PIEZO2: variants seen among roughly 807,000 people sequenced by gnomAD.
The protein encoded by PIEZO2 is piezo-type mechanosensitive ion channel component 2.
In PIEZO2, 172 loss-of-function variants were observed where a neutral mutation model predicts 337.3. The observed-to-expected ratio is 0.51, with a 90% confidence interval of 0.45 to 0.58. PIEZO2 has a LOEUF of 0.58. Ranked by LOEUF, PIEZO2 falls within the 20% of genes least tolerant of loss-of-function variation. The pLI is 0.00. For missense variants in PIEZO2, 3,028 were observed against 3,391.3 expected (o/e 0.89, Z 2.66); for synonymous variants, 1,251 against 1,228.5 (o/e 1.02, Z -0.38).
Position 10,942,500 on chromosome 18 carries a change from T to C in PIEZO2, c.287-31272A>G, listed in dbSNP as rs1006029677. ...AGCATTCTGCCCCTGCCCTAGAGAT[T>C]TGTGGAACTTTGAACTTGAGAGAGA... On this transcript the variant is annotated intron_variant, in intron 3 of 55. Transcript: ENST00000674853. This position sits in a 1 kb window ranked among gnomAD's most constrained non-coding sequence, Gnocchi z 4.4. Among the ~76,000 whole-genome samples, 2 of 152,148 alleles carry C rather than the reference T, an allele frequency of 1.3e-5. No homozygotes were observed. Among genetic ancestry groups the C allele is most frequent in the Admixed American group, 1.3e-4 (2 of 15,278 alleles).
chr18:10,907,339 A>G (rs1568186541), intron 4 of PIEZO2, among the ~76,000 whole-genome samples: 1 of 152,036 alleles, frequency 6.6e-6, no homozygotes, highest in Non-Finnish European at 1.5e-5. Context: ...GCTACTTGAT[A>G]GGCTGAGGCA....
intron 7 of PIEZO2, among the ~76,000 whole-genome samples, chr18:10,851,278 T>C (rs1048364883): frequency 1.3e-5 from 2 of 152,058 alleles, no homozygotes; most frequent in Admixed American, 6.6e-5. Context: ...CTAATTTCCA[T>C]GTTTTAAAGG....
rs2036015136 is a variant in PIEZO2 at position 10,716,476 on chromosome 18, A to G, written c.5090-660T>C. On this transcript the variant is annotated intron_variant, in intron 37 of 55. Coordinates refer to ENST00000674853, the MANE Select transcript of PIEZO2 (RefSeq NM_001378183.1). The surrounding 1 kb of genome is among the most constrained non-coding windows in gnomAD (Gnocchi z 4.1). ...ACCCTGGTGACACCCAAACCTCAAA[A>G]CCATGTCACACCTAACAGTCTTCCA... Among the ~76,000 whole-genome samples the G allele has an allele frequency of 6.6e-6, 1 of 152,158 alleles. No homozygotes were observed. Among genetic ancestry groups the G allele is most frequent in the Non-Finnish European group, 1.5e-5 (1 of 68,022 alleles).
intron 8 of PIEZO2, 109 bp downstream of exon 8, chr18:10,807,003 G>A (rs2040021255): frequency 3.6e-6 from 4 of 1,118,834 alleles, no homozygotes; most frequent in East Asian, 2.6e-5. Flanking sequence ...CACTAGAGTT[G>A]TGTTGGAATA....
intron 7 of PIEZO2, among the ~76,000 whole-genome samples, chr18:10,832,836 G>A (rs2040886448): frequency 6.6e-6 from 1 of 152,140 alleles, no homozygotes; most frequent in African/African-American, 2.4e-5. Flanking sequence ...AGTCAGGTGG[G>A]GCCCAGGGAT....
chr18:11,006,641 C>A (rs1177111300), intron 2 of PIEZO2, among the ~76,000 whole-genome samples: 5 of 152,126 alleles, frequency 3.3e-5, no homozygotes, highest in Admixed American at 1.3e-4. Context: ...CTACAAATCC[C>A]TCCTTCCCAT....
In PIEZO2 at chr18:10,781,691, T is replaced by A. The variant is rs1027969884; in HGVS notation, c.2493-1325A>T. 6.6e-6 allele frequency among the ~76,000 whole-genome samples: 1 copy of A among 152,186 alleles called. No individual in the cohort carries two copies. Among genetic ancestry groups the A allele is most frequent in the Non-Finnish European group, 1.5e-5 (1 of 68,044 alleles). On this transcript the variant is annotated intron_variant, in intron 17 of 55. Transcript: ENST00000674853. This position sits in a 1 kb window ranked among gnomAD's most constrained non-coding sequence, Gnocchi z 4.1. ...AGGCTAACTTTGTAAATTCTGTAAG[T>A]CTAAACATAATAAATTCTGCTTCAT...
Position 10,795,095 on chromosome 18 carries a change from G to C in PIEZO2, c.1528-93C>G, listed in dbSNP as rs188146674. 1 of 1,082,072 alleles carries C rather than the reference G, an allele frequency of 9.2e-7. No individual in the cohort carries two copies. Among genetic ancestry groups the C allele is most frequent in the Non-Finnish European group, 1.3e-6 (1 of 750,624 alleles). 67.0% of individuals were successfully genotyped at this position (1,082,072 alleles called of 1,614,324 possible). A position where few individuals can be genotyped will look rare whatever the true frequency, so the allele number is the denominator to read the frequency against. Reference sequence around the variant, plus strand: ...GGTAAAAACTATCTAAAAAGAAAAGGTCATAATATTCAAACCAGGGAGAGT... The same window carrying C: ...GGTAAAAACTATCTAAAAAGAAAAGCTCATAATATTCAAACCAGGGAGAGT... On this transcript the variant is annotated intron_variant, in intron 12 of 55. Coordinates refer to ENST00000674853, the MANE Select transcript of PIEZO2 (RefSeq NM_001378183.1). The surrounding 1 kb of genome is among the most constrained non-coding windows in gnomAD (Gnocchi z 4.4).
At chr18:10,799,991 T>A (rs1194340636) in intron 11 of PIEZO2, among the ~76,000 whole-genome samples, 3 of 135,114 alleles carry the variant, frequency 2.2e-5, no homozygotes, top group Admixed American at 7.5e-5. Flanking sequence ...AAAAAAAAAA[T>A]TCATATATTA....
chr18:10,858,615 G>A (rs116180998), intron 5 of PIEZO2, among the ~76,000 whole-genome samples: 2,840 of 152,164 alleles, frequency 0.019, 93 homozygotes, highest in African/African-American at 0.065. Context: ...ATTCACTGAC[G>A]GTGTCTGACC....
Position 10,855,650 on chromosome 18 carries a change from G to T in PIEZO2, c.704-84C>A. Reference sequence around the variant, plus strand: ...AGTGAATGTGACTATTTGAAATTATGTGAATTTCCTTCAAGTGTTTTTAGG... The same window carrying T: ...AGTGAATGTGACTATTTGAAATTATTTGAATTTCCTTCAAGTGTTTTTAGG... On this transcript the variant is annotated intron_variant, in intron 6 of 55. Coordinates refer to ENST00000674853, the MANE Select transcript of PIEZO2 (RefSeq NM_001378183.1). The surrounding 1 kb of genome is among the most constrained non-coding windows in gnomAD (Gnocchi z 4.9). The T allele has an allele frequency of 4.6e-6, 5 of 1,098,372 alleles. No individual in the cohort carries two copies. The highest frequency in any genetic ancestry group is 3.3e-5 in the South Asian group (2 of 61,186). The allele number at this position is 1,098,372 out of a possible 1,614,324, so 68.0% of individuals were successfully genotyped here.
intron 4 of PIEZO2, among the ~76,000 whole-genome samples, chr18:10,889,638 T>C (rs537953033): frequency 2.0e-4 from 31 of 152,294 alleles, no homozygotes; most frequent in Admixed American, 4.6e-4. Flanking sequence ...GAATTAGAAA[T>C]GGCCAAAGAG....
At chr18:10,754,742 T>C (rs924442514) in intron 27 of PIEZO2, among the ~76,000 whole-genome samples, 3 of 152,216 alleles carry the variant, frequency 2.0e-5, no homozygotes, top group Admixed American at 1.3e-4. Flanking sequence ...CTGTATAGCA[T>C]ATTGTTTTAA....
At chr18:10,845,035 T>C (rs893418979) in intron 7 of PIEZO2, among the ~76,000 whole-genome samples, 2 of 152,140 alleles carry the variant, frequency 1.3e-5, no homozygotes, top group African/African-American at 4.8e-5. Flanking sequence ...ATGATGAATG[T>C]CTAGTTAACT....
At chr18:10,875,134 G>C (rs1273972978) in intron 4 of PIEZO2, among the ~76,000 whole-genome samples, 3 of 152,060 alleles carry the variant, frequency 2.0e-5, no homozygotes, top group Non-Finnish European at 4.4e-5. Context: ...GAACTGTCCT[G>C]TGAAAGCTTA....
rs1180728628 is a variant in PIEZO2 at position 10,748,058 on chromosome 18, T to A, written c.4424+413A>T. 6.6e-6 allele frequency among the ~76,000 whole-genome samples: 1 copy of A among 151,308 alleles called. No individual in the cohort carries two copies. The highest frequency in any genetic ancestry group is 2.4e-5 in the African/African-American group (1 of 41,118). ...AATGGAGCCTAGGGGAAAAAACAGG[T>A]AGTAATGCAAATTGTGTCAGTGGCT... On this transcript the variant is annotated intron_variant, in intron 30 of 55. Coordinates refer to ENST00000674853, the MANE Select transcript of PIEZO2 (RefSeq NM_001378183.1). The surrounding 1 kb of genome is among the most constrained non-coding windows in gnomAD (Gnocchi z 5.1).
chr18:10,949,202 CA>C (rs147720355), intron 3 of PIEZO2, among the ~76,000 whole-genome samples: 21,155 of 152,072 alleles, frequency 0.14, 2,462 homozygotes, highest in African/African-American at 0.31. Flanking sequence ...AAGTAGGAAA[CA>C]TTTTTTTCTC....
intron 7 of PIEZO2, among the ~76,000 whole-genome samples, chr18:10,838,795 C>T (rs905043244): frequency 9.9e-5 from 15 of 152,158 alleles, no homozygotes; most frequent in African/African-American, 3.6e-4. Context: ...TGAGTCAGAA[C>T]CAGAACTCCC....
chr18:10,831,136 A>C (rs2040831893), intron 7 of PIEZO2, among the ~76,000 whole-genome samples: 1 of 152,184 alleles, frequency 6.6e-6, no homozygotes, highest in South Asian at 2.1e-4. Context: ...AAAAAACTAA[A>C]AATAGAGCTA....
Sources: allele counts gnomAD v4.1 joint callset (sites outside exome capture counted in the v4.1 genomes callset), GRCh38; gene constraint gnomAD v4.1.1; non-coding constraint Gnocchi (gnomAD v3.1); transcripts MANE v1.5; gene names NCBI Gene and HGNC (gene_info 2026-07-23, HGNC 2026-07-21).